Variants in BBX observed in about 807,000 individuals in gnomAD.
BBX encodes the protein BBX high mobility group box domain containing.
In BBX, 30 loss-of-function variants were observed where a neutral mutation model predicts 100.2. That is an observed-to-expected ratio of 0.30 (90% confidence interval 0.22 to 0.41). BBX has a LOEUF of 0.41. Among genes scored for constraint, BBX ranks in the 10% least tolerant of loss-of-function variants. BBX has a pLI of 1.00. For missense variants in BBX, 1,023 were observed against 1,129.8 expected, an observed-to-expected ratio of 0.91 and a Z score of 1.35; for synonymous variants, 376 against 388.1, an observed-to-expected ratio of 0.97 and a Z score of 0.37.
At chr3:107,690,891 C>CT (rs1305340083) in intron 3 of BBX, among the ~76,000 whole-genome samples, 4,631 of 72,134 alleles carry the variant, frequency 0.064, 295 homozygotes, top group Non-Finnish European at 0.091. Context: ...TGCCCCCCCC[C>CT]CTTTTTTTTT....
chr3:107,558,722 G>A (rs943411030), intron 2 of BBX, among the ~76,000 whole-genome samples: 1 of 152,118 alleles, frequency 6.6e-6, no homozygotes, highest in African/African-American at 2.4e-5. Flanking sequence ...TGAGTTACAG[G>A]AAGTTATTTA....
At chr3:107,746,929 A>G (rs1364882837) in intron 8 of BBX, among the ~76,000 whole-genome samples, 2 of 152,188 alleles carry the variant, frequency 1.3e-5, no homozygotes, top group East Asian at 3.8e-4. Context: ...GTGAACAGTT[A>G]CTTGAAGGAA....
intron 4 of BBX, among the ~76,000 whole-genome samples, chr3:107,713,942 T>G (rs1232595395): frequency 6.6e-6 from 1 of 150,570 alleles, no homozygotes; most frequent in Non-Finnish European, 1.5e-5. Context: ...ATTTGTAATT[T>G]TTTAATTTTT....
intron 15 of BBX, among the ~76,000 whole-genome samples, chr3:107,795,196 G>C (rs2107976236): frequency 6.6e-6 from 1 of 152,254 alleles, no homozygotes; most frequent in South Asian, 2.1e-4. Flanking sequence ...TTCCCTCTCT[G>C]AACTTTTTTC....
chr3:107,663,751 A>G (rs2058588383), intron 3 of BBX, among the ~76,000 whole-genome samples: 1 of 150,920 alleles, frequency 6.6e-6, no homozygotes, highest in Non-Finnish European at 1.5e-5. Flanking sequence ...AAAATACCAT[A>G]GTTTATTTAC....
intron 7 of BBX, among the ~76,000 whole-genome samples, chr3:107,734,571 T>G (rs1420194124): frequency 6.6e-6 from 1 of 152,210 alleles, no homozygotes; most frequent in Non-Finnish European, 1.5e-5. Flanking sequence ...CATGTCTGAC[T>G]CAATATGATT....
At position 107,696,392 on chromosome 3, in the gene BBX, G is replaced by T. The variant is rs905079250; in HGVS notation, c.-9-14060G>T. On this transcript the variant is annotated intron_variant, in intron 3 of 17. Coordinates refer to ENST00000325805, the MANE Select transcript of BBX (RefSeq NM_001142568.3). ...TCAGGAGGTCTTTTAGGGCAGGCCTGGTGGTGACAAAATCTCTCAGCATTT... is the reference window on the plus strand; with the variant it reads ...TCAGGAGGTCTTTTAGGGCAGGCCTTGTGGTGACAAAATCTCTCAGCATTT... Among the ~76,000 whole-genome samples, 2 of 151,472 alleles carry T rather than the reference G, an allele frequency of 1.3e-5. 1 individual carries two copies. Among genetic ancestry groups the T allele is most frequent in the African/African-American group, 4.9e-5 (2 of 40,906 alleles).
chr3:107,736,422 C>CT (rs1218214489), intron 7 of BBX, among the ~76,000 whole-genome samples: 131 of 146,160 alleles, frequency 9.0e-4, no homozygotes, highest in Non-Finnish European at 1.4e-3. Context: ...TGAATATCAC[C>CT]TTTTTTTTTT....
At chr3:107,596,051 C>A (rs891472036) in intron 2 of BBX, among the ~76,000 whole-genome samples, 3 of 152,148 alleles carry the variant, frequency 2.0e-5, no homozygotes, top group African/African-American at 7.2e-5. Flanking sequence ...CGCAAATCTC[C>A]AAATAGTTTT....
At chr3:107,673,401 C>T (rs752631435) in intron 3 of BBX, among the ~76,000 whole-genome samples, 2 of 151,918 alleles carry the variant, frequency 1.3e-5, no homozygotes, top group African/African-American at 2.4e-5. Context: ...ATAAAATGGC[C>T]ATTTAAAATC....
intron 3 of BBX, among the ~76,000 whole-genome samples, chr3:107,652,950 A>G (rs937692364): frequency 8.5e-5 from 13 of 152,206 alleles, no homozygotes; most frequent in Non-Finnish European, 1.5e-4. Flanking sequence ...TATTTTGTGC[A>G]TGTCTGTATT....
Position 107,773,267 on chromosome 3 carries a change from A to G in BBX, c.1546A>G (p.Ser516Gly), listed in dbSNP as rs1425273299. ...TCGCAAGAAGGTCCGCACATCCTCAAGTGGCAAGGGAAGCATTTTGGATGC... is the reference window on the plus strand; with the variant it reads ...TCGCAAGAAGGTCCGCACATCCTCAGGTGGCAAGGGAAGCATTTTGGATGC... ...TPRKKVRTSS[S>G]GKGSILDAKP... Residue 516 changes from serine (S) to glycine (G), a missense_variant, in exon 11 of 18, where the codon AGT becomes GGT. Transcript: ENST00000325805. This position sits in a 1 kb window ranked among gnomAD's most constrained non-coding sequence, Gnocchi z 4.1. The G allele has an allele frequency of 1.9e-6, 3 of 1,614,010 alleles. No homozygotes were observed. The African/African-American group carries it at 4.0e-5, about 22-fold the overall frequency.
chr3:107,618,050 G>A (rs180781016), intron 2 of BBX, among the ~76,000 whole-genome samples: 2 of 151,934 alleles, frequency 1.3e-5, no homozygotes, highest in Admixed American at 1.3e-4. Context: ...AGTTTCCTTT[G>A]ATTCCTAACT....
At chr3:107,633,685 T>C (rs1029805693) in intron 2 of BBX, among the ~76,000 whole-genome samples, 12 of 152,178 alleles carry the variant, frequency 7.9e-5, no homozygotes, top group Non-Finnish European at 1.5e-4. Context: ...TTTAGACAGA[T>C]CTGATGGTTA....
chr3:107,755,743 G>T lies in BBX; in HGVS notation c.906+65G>T, dbSNP rs113233360. On this transcript the variant is annotated intron_variant, in intron 10 of 17. Coordinates refer to ENST00000325805, the MANE Select transcript of BBX (RefSeq NM_001142568.3). Reference sequence around the variant, plus strand: ...GTGGAAATTACAAAATATTCTAACAGTGTTTCCCTAAACTGTACCATCTCT... The same window carrying T: ...GTGGAAATTACAAAATATTCTAACATTGTTTCCCTAAACTGTACCATCTCT... 28 of 1,361,006 alleles carry T rather than the reference G, an allele frequency of 2.1e-5. No individual in the cohort carries two copies. In the African/African-American group the frequency reaches 2.6e-4, roughly 13 times the overall value. The allele number at this position is 1,361,006 out of a possible 1,614,324, so 84.3% of individuals were successfully genotyped here.
intron 17 of BBX, among the ~76,000 whole-genome samples, chr3:107,804,812 C>CT (rs771866658): frequency 0.077 from 10,961 of 142,634 alleles, 1,270 homozygotes; most frequent in African/African-American, 0.25. Context: ...TTCTTCATTC[C>CT]TTTTTTTTTT....
chr3:107,791,621 GTGGGAGC>G (rs1206360140), intron 15 of BBX, among the ~76,000 whole-genome samples: 1 of 152,176 alleles, frequency 6.6e-6, no homozygotes, highest in Non-Finnish European at 1.5e-5. Flanking sequence ...CTTATGCCCA[GTGGGAGC>G]TGGAATAACA....
intron 2 of BBX, among the ~76,000 whole-genome samples, chr3:107,631,464 A>T (rs938813763): frequency 2.0e-5 from 3 of 152,008 alleles, no homozygotes; most frequent in African/African-American, 7.3e-5. Context: ...TTAACCAAAC[A>T]TTTTTGTGTT....
At chr3:107,759,598 G>A (rs1356448049) in intron 10 of BBX, among the ~76,000 whole-genome samples, 3 of 152,102 alleles carry the variant, frequency 2.0e-5, no homozygotes, top group African/African-American at 7.2e-5. Context: ...AAGATCTCTA[G>A]TACCAAAATT....
Sources: allele counts gnomAD v4.1 joint callset (sites outside exome capture counted in the v4.1 genomes callset), GRCh38; gene constraint gnomAD v4.1.1; non-coding constraint Gnocchi (gnomAD v3.1); transcripts MANE v1.5; gene names NCBI Gene and HGNC (gene_info 2026-07-23, HGNC 2026-07-21).